Variants in GALNTL6 observed in about 807,000 individuals in gnomAD.
The protein encoded by GALNTL6 is polypeptide N-acetylgalactosaminyltransferase like 6.
GALNTL6 carries 46 observed loss-of-function variants against 73.7 expected under a neutral mutation model. The observed-to-expected ratio is 0.62, with a 90% CI of 0.49 to 0.80. The LOEUF (loss-of-function observed/expected upper bound fraction) is 0.80. GALNTL6 is among the 30% of genes least tolerant of loss of function. The pLI, the probability that GALNTL6 is intolerant of heterozygous loss-of-function variation, is 0.00. For missense variants in GALNTL6, 604 were observed against 755.0 expected, an observed-to-expected ratio of 0.80 and a Z score of 2.34; for synonymous variants, 259 against 263.7, an observed-to-expected ratio of 0.98 and a Z score of 0.17.
intron 2 of GALNTL6, among the ~76,000 whole-genome samples, chr4:172,198,210 T>C (rs1735836771): frequency 6.6e-6 from 1 of 151,630 alleles, no homozygotes; most frequent in South Asian, 2.1e-4. Flanking sequence ...GTCATGAAAA[T>C]GTCAAAAGCA....
chr4:173,022,144 GA>G (rs1753037755), intron 12 of GALNTL6, among the ~76,000 whole-genome samples: 1 of 125,338 alleles, frequency 8.0e-6, no homozygotes, highest in African/African-American at 3.3e-5. Flanking sequence ...GGAAGGAAAA[GA>G]GAGAGAGAAG....
At chr4:172,656,469 T>C (rs558058467) in intron 5 of GALNTL6, among the ~76,000 whole-genome samples, 1 of 152,326 alleles carries the variant, frequency 6.6e-6, no homozygotes, top group South Asian at 2.1e-4. Flanking sequence ...GATATGAACA[T>C]AGTGGTGCTG....
intron 11 of GALNTL6, among the ~76,000 whole-genome samples, chr4:173,011,907 G>A (rs756314781): frequency 3.4e-4 from 51 of 152,088 alleles, no homozygotes; most frequent in Admixed American, 9.2e-4. Flanking sequence ...TAGCGTTTTC[G>A]TTTCTTGTAT....
intron 2 of GALNTL6, among the ~76,000 whole-genome samples, chr4:171,980,028 GTTGCT>G (rs1739849733): frequency 6.6e-6 from 1 of 151,994 alleles, no homozygotes; most frequent in Admixed American, 6.6e-5. Flanking sequence ...TAAATAATTA[GTTGCT>G]TTAATAAACC....
chr4:172,266,869 A>G (rs1202272744), intron 3 of GALNTL6, among the ~76,000 whole-genome samples: 1 of 152,016 alleles, frequency 6.6e-6, no homozygotes. Context: ...TCTTCTCATC[A>G]ACTGAGTCAG....
At chr4:172,251,848 T>C (rs1737891559) in intron 3 of GALNTL6, among the ~76,000 whole-genome samples, 1 of 152,032 alleles carries the variant, frequency 6.6e-6, no homozygotes, top group Admixed American at 6.6e-5. Context: ...AAGACACCCC[T>C]AACAGAGACC....
At chr4:172,706,467 T>C (rs1381017518) in intron 5 of GALNTL6, among the ~76,000 whole-genome samples, 1 of 152,138 alleles carries the variant, frequency 6.6e-6, no homozygotes, top group East Asian at 1.9e-4. Context: ...CTCATTTTTT[T>C]GTCCATTTGG....
chr4:172,849,039 C>T (rs1003031498), intron 7 of GALNTL6, among the ~76,000 whole-genome samples: 1 of 152,044 alleles, frequency 6.6e-6, no homozygotes, highest in Non-Finnish European at 1.5e-5. Flanking sequence ...CTGTTGGGTG[C>T]CATCCCCATC....
intron 8 of GALNTL6, among the ~76,000 whole-genome samples, chr4:172,897,304 G>A (rs1746381101): frequency 6.6e-6 from 1 of 152,194 alleles, no homozygotes. Flanking sequence ...GAGACCTGCT[G>A]TGGGACAGAG....
At chr4:172,976,123 C>A (rs888589010) in intron 10 of GALNTL6, among the ~76,000 whole-genome samples, 7 of 152,170 alleles carry the variant, frequency 4.6e-5, no homozygotes, top group Non-Finnish European at 4.4e-5. Flanking sequence ...ACAGCCACTG[C>A]TCCAAGTGGA....
At chr4:172,742,867 G>A (rs974500303) in intron 5 of GALNTL6, among the ~76,000 whole-genome samples, 6 of 152,034 alleles carry the variant, frequency 3.9e-5, no homozygotes, top group African/African-American at 1.4e-4. Flanking sequence ...CAGCAGACCT[G>A]AGTCTAGGTA....
At chr4:172,585,195 A>G (rs543773101) in intron 5 of GALNTL6, among the ~76,000 whole-genome samples, 82 of 152,010 alleles carry the variant, frequency 5.4e-4, no homozygotes, top group African/African-American at 1.9e-3. Flanking sequence ...TATCTGTTTT[A>G]TATCCTTTGG....
intron 2 of GALNTL6, among the ~76,000 whole-genome samples, chr4:172,096,072 C>A (rs1732344175): frequency 7.7e-6 from 1 of 129,278 alleles, no homozygotes; most frequent in Non-Finnish European, 1.6e-5. Context: ...CGATTTCTCT[C>A]TCTCTCTCTT....
chr4:173,010,374 T>C (rs1752492164), intron 11 of GALNTL6, among the ~76,000 whole-genome samples: 1 of 152,186 alleles, frequency 6.6e-6, no homozygotes, highest in Non-Finnish European at 1.5e-5. Context: ...TAGTACTCCA[T>C]TATGCATAGG....
At chr4:172,121,148 T>C (rs943406034) in intron 2 of GALNTL6, among the ~76,000 whole-genome samples, 1 of 151,912 alleles carries the variant, frequency 6.6e-6, no homozygotes, top group Non-Finnish European at 1.5e-5. Flanking sequence ...AAAATGAGAA[T>C]TACATAATTA....
At chr4:172,875,770 A>AC in intron 7 of GALNTL6, among the ~76,000 whole-genome samples, 1 of 98,088 alleles carries the variant, frequency 1.0e-5, no homozygotes, top group Non-Finnish European at 2.2e-5. Context: ...CACACACACA[A>AC]ATAAGAACAA....
chr4:172,380,571 A>C (rs1579016073), intron 5 of GALNTL6: 2 of 250,356 alleles, frequency 8.0e-6, no homozygotes, highest in East Asian at 1.8e-4. Flanking sequence ...TGTACACTTT[A>C]GTAGGGAAAG....
At chr4:172,286,843 A>C (rs1464027894) in intron 3 of GALNTL6, among the ~76,000 whole-genome samples, 1 of 152,154 alleles carries the variant, frequency 6.6e-6, no homozygotes, top group Non-Finnish European at 1.5e-5. Flanking sequence ...TTTAAAAATA[A>C]ATTCCAGTGG....
At chr4:171,932,911 T>G (rs1738229172) in intron 2 of GALNTL6, among the ~76,000 whole-genome samples, 1 of 152,162 alleles carries the variant, frequency 6.6e-6, no homozygotes, top group African/African-American at 2.4e-5. Context: ...CAATACCTTT[T>G]CCAGGTGTCT....
Sources: allele counts gnomAD v4.1 joint callset (sites outside exome capture counted in the v4.1 genomes callset), GRCh38; gene constraint gnomAD v4.1.1; transcripts MANE v1.5; gene names NCBI Gene and HGNC (gene_info 2026-07-23, HGNC 2026-07-21).